SNX18: variants seen among roughly 807,000 people sequenced by gnomAD.
SNX18 encodes sorting nexin 18.
Under a neutral mutation model 48.7 loss-of-function variants are expected in SNX18, and 35 were observed. The ratio of observed to expected loss-of-function variants is 0.72; its 90% CI spans 0.55 to 0.95. The LOEUF is 0.95. Ranked by LOEUF, SNX18 falls within the 40% of genes least tolerant of loss-of-function variation. The probability of loss-of-function intolerance (pLI) is 0.00; values close to 1 mark genes in which losing one functional copy is unlikely to be tolerated. For synonymous variants in SNX18, 492 were observed against 384.7 expected (o/e 1.28, Z -3.26); for missense variants, 824 against 871.0 (o/e 0.95, Z 0.68).
the SNX18 span, among the ~76,000 whole-genome samples, chr5:54,584,046 CTTTTTTTT>C: frequency 9.0e-6 from 1 of 110,650 alleles, no homozygotes; most frequent in Non-Finnish European, 1.8e-5. Context: ...GTGTGTAGCT[CTTTTTTTT>C]TTTTTTTTTT....
the SNX18 span, among the ~76,000 whole-genome samples, chr5:54,565,708 TC>T: frequency 2.6e-5 from 4 of 152,196 alleles, no homozygotes; most frequent in African/African-American, 9.7e-5. Context: ...GCCTAGAAGG[TC>T]ATATTTCTAA....
At chr5:54,631,472 C>T in the SNX18 span, among the ~76,000 whole-genome samples, 2 of 152,088 alleles carry the variant, frequency 1.3e-5, no homozygotes, top group Admixed American at 6.5e-5. Context: ...CTCTTTCTGT[C>T]AATAAATAAA....
chr5:54,587,553 C>T, the SNX18 span, among the ~76,000 whole-genome samples: 3 of 152,164 alleles, frequency 2.0e-5, no homozygotes, highest in Admixed American at 6.5e-5. Flanking sequence ...TGTCCTTTCT[C>T]TCCGTGGTGC....
intron 1 of SNX18, among the ~76,000 whole-genome samples, chr5:54,533,945 G>A (rs1034428930): frequency 2.0e-5 from 3 of 152,138 alleles, no homozygotes; most frequent in Non-Finnish European, 4.4e-5. Flanking sequence ...TAGTAGGGAA[G>A]GCCAGGGTGT....
chr5:54,528,929 G>A (rs1161656331), intron 1 of SNX18, among the ~76,000 whole-genome samples: 1 of 152,164 alleles, frequency 6.6e-6, no homozygotes, highest in African/African-American at 2.4e-5. Context: ...GATGTGAATC[G>A]GAATGTCTGT....
At chr5:54,558,773 C>CAAATA in the SNX18 span, among the ~76,000 whole-genome samples, 7 of 152,118 alleles carry the variant, frequency 4.6e-5, no homozygotes, top group African/African-American at 7.2e-5. Context: ...TTGGGGACTA[C>CAAATA]AGGTTGTTCG....
chr5:54,579,727 G>A, the SNX18 span, among the ~76,000 whole-genome samples: 3 of 152,188 alleles, frequency 2.0e-5, no homozygotes, highest in Non-Finnish European at 2.9e-5. Flanking sequence ...ATTGGAAAGA[G>A]AAGCTCATCA....
the SNX18 span, among the ~76,000 whole-genome samples, chr5:54,581,569 C>T: frequency 3.9e-5 from 6 of 152,262 alleles, 1 homozygote; most frequent in Middle Eastern, 0.02. Context: ...GGGTCTACCC[C>T]TGCCTGCTCC....
chr5:54,595,272 G>T, the SNX18 span, among the ~76,000 whole-genome samples: 3 of 152,124 alleles, frequency 2.0e-5, no homozygotes, highest in Non-Finnish European at 4.4e-5. Context: ...GTCTCGCTCT[G>T]TCACTCAGGC....
At chr5:54,533,910 G>C (rs1283212301) in intron 1 of SNX18, among the ~76,000 whole-genome samples, 1 of 152,190 alleles carries the variant, frequency 6.6e-6, no homozygotes, top group Non-Finnish European at 1.5e-5. Context: ...GAAGGAAAGG[G>C]GAGGGGAAGA....
chr5:54,645,222 CAAAG>C, the SNX18 span: 1 of 152,166 alleles, frequency 6.6e-6, no homozygotes, highest in Non-Finnish European at 1.5e-5. Context: ...TATTTGGATA[CAAAG>C]AAAGAAAGCA....
At chr5:54,633,196 T>A in the SNX18 span, among the ~76,000 whole-genome samples, 1 of 152,092 alleles carries the variant, frequency 6.6e-6, no homozygotes, top group South Asian at 2.1e-4. Context: ...ATTTGCATGG[T>A]TTAAGAAATG....
the SNX18 span, among the ~76,000 whole-genome samples, chr5:54,630,224 G>A: frequency 6.6e-6 from 1 of 152,220 alleles, no homozygotes; most frequent in Non-Finnish European, 1.5e-5. Context: ...AAAATTGATG[G>A]AAGAGTCTGG....
the SNX18 span, among the ~76,000 whole-genome samples, chr5:54,565,990 CT>C: frequency 3.9e-5 from 6 of 152,278 alleles, no homozygotes; most frequent in East Asian, 9.6e-4. Flanking sequence ...GGCAGACTGT[CT>C]TTTGAGGGTG....
At chr5:54,537,260 T>C (rs1762375501) in intron 1 of SNX18, among the ~76,000 whole-genome samples, 1 of 152,236 alleles carries the variant, frequency 6.6e-6, no homozygotes, top group Admixed American at 6.5e-5. Flanking sequence ...TGAATAGTGT[T>C]TTCTTCTGAA....
the SNX18 span, among the ~76,000 whole-genome samples, chr5:54,607,477 T>C: frequency 6.6e-6 from 1 of 152,234 alleles, no homozygotes; most frequent in Non-Finnish European, 1.5e-5. Context: ...TAGGTGGGAA[T>C]TTATCCTATT....
chr5:54,595,878 C>T, the SNX18 span, among the ~76,000 whole-genome samples: 1 of 152,202 alleles, frequency 6.6e-6, no homozygotes, highest in South Asian at 2.1e-4. Flanking sequence ...GGTGGTTTCC[C>T]AGGCATGTGA....
At chr5:54,585,954 G>A in the SNX18 span, among the ~76,000 whole-genome samples, 1 of 150,514 alleles carries the variant, frequency 6.6e-6, no homozygotes, top group Non-Finnish European at 1.5e-5. Flanking sequence ...GCAGTGAGCT[G>A]AGATCGTGCC....
chr5:54,625,494 A>G, the SNX18 span, among the ~76,000 whole-genome samples: 1 of 152,190 alleles, frequency 6.6e-6, no homozygotes, highest in Non-Finnish European at 1.5e-5. Flanking sequence ...GTAGTTCACA[A>G]CATGGCAACT....
Sources: allele counts gnomAD v4.1 joint callset (sites outside exome capture counted in the v4.1 genomes callset), GRCh38; gene constraint gnomAD v4.1.1; transcripts MANE v1.5; gene names NCBI Gene and HGNC (gene_info 2026-07-23, HGNC 2026-07-21).